NOL9: variants seen among roughly 807,000 people sequenced by gnomAD.
The protein encoded by NOL9 is polynucleotide 5'-hydroxyl-kinase NOL9.
A neutral mutation model predicts 67.9 loss-of-function variants in NOL9; 28 were observed. The ratio of observed to expected loss-of-function variants is 0.41; its 90% CI spans 0.31 to 0.57. NOL9 has a LOEUF of 0.57. Ranked by LOEUF, NOL9 falls within the 20% of genes least tolerant of loss-of-function variation. The pLI, the probability that NOL9 is intolerant of heterozygous loss-of-function variation, is 0.25. For synonymous variants in NOL9, 356 were observed against 352.2 expected, an observed-to-expected ratio of 1.01 and a Z score of -0.12; for missense variants, 777 against 897.0, an observed-to-expected ratio of 0.87 and a Z score of 1.71.
chr1:6,536,384 TAGAC>T (rs1164776493), intron 6 of NOL9, among the ~76,000 whole-genome samples: 28 of 151,780 alleles, frequency 1.8e-4, no homozygotes, highest in South Asian at 1.0e-3. Context: ...AAATAAAAGT[TAGAC>T]AGGTGTGGTG....
chr1:6,549,998 C>T (rs1190842263), intron 2 of NOL9, among the ~76,000 whole-genome samples: 2 of 152,022 alleles, frequency 1.3e-5, no homozygotes, highest in Non-Finnish European at 2.9e-5. Context: ...CCACAACGTC[C>T]TTAGCACACT....
At chr1:6,548,474 C>A in intron 3 of NOL9, 1 of 233,772 alleles carries the variant, frequency 4.3e-6, no homozygotes, top group South Asian at 6.5e-5. Context: ...AGAGATTGTC[C>A]AAAACAAAAA....
chr1:6,545,887 C>T (rs1003999399), intron 3 of NOL9, among the ~76,000 whole-genome samples: 1 of 114,588 alleles, frequency 8.7e-6, no homozygotes, highest in South Asian at 3.1e-4. Flanking sequence ...GCACTCCAAC[C>T]TGGGCGACAG....
chr1:6,537,198 A>G (rs1639174590), intron 6 of NOL9, among the ~76,000 whole-genome samples: 1 of 152,042 alleles, frequency 6.6e-6, no homozygotes, highest in Non-Finnish European at 1.5e-5. Context: ...CACGGGGAGA[A>G]GAAGGATACT....
intron 3 of NOL9, chr1:6,547,872 CTT>C (rs1272874565): frequency 6.1e-6 from 1 of 163,054 alleles, no homozygotes; most frequent in African/African-American, 2.4e-5. Context: ...TAAAAGCTCT[CTT>C]CTTGGGACGT....
rs1339478539 is a variant in NOL9 at position 6,534,591 on chromosome 1, C to A, written c.1076-1150G>T. Among the ~76,000 whole-genome samples the A allele has an allele frequency of 1.3e-5, 2 of 152,176 alleles. 1 individual carries two copies. The highest frequency in any genetic ancestry group is 2.9e-5 in the Non-Finnish European group (2 of 68,024). ...CAGTAAGGGCAGGGATGTGGGGTAG[C>A]CAGCAGCAGAGGGAGTGGCCTGTAT... On this transcript the variant is annotated intron_variant, in intron 6 of 11. Transcript: ENST00000377705.
At chr1:6,532,129 C>A in intron 8 of NOL9, 50 bp from the exon 9 acceptor site, 1 of 1,303,582 alleles carries the variant, frequency 7.7e-7, no homozygotes, top group Non-Finnish European at 1.1e-6. Context: ...CCTCAACGGC[C>A]ACCTCCCACA....
chr1:6,538,903 T>C (rs1315195720), intron 6 of NOL9, among the ~76,000 whole-genome samples: 1 of 151,836 alleles, frequency 6.6e-6, no homozygotes, highest in South Asian at 2.1e-4. Flanking sequence ...ACCCGGGAGG[T>C]GGAGGCTGTA....
At chr1:6,544,544 C>CG (rs61278197) in intron 5 of NOL9, among the ~76,000 whole-genome samples, 3 of 118,666 alleles carry the variant, frequency 2.5e-5, no homozygotes, top group Non-Finnish European at 3.2e-5. Flanking sequence ...CACACACGCA[C>CG]CCCCCCCCCG....
chr1:6,535,928 CAAAAA>C (rs35594987), intron 6 of NOL9, among the ~76,000 whole-genome samples: 6 of 137,942 alleles, frequency 4.3e-5, no homozygotes, highest in Admixed American at 1.5e-4. Flanking sequence ...AACTCCATCT[CAAAAA>C]AAAAAAAAAA....
intron 6 of NOL9, among the ~76,000 whole-genome samples, chr1:6,540,245 C>T (rs1157411308): frequency 6.6e-6 from 1 of 150,870 alleles, no homozygotes; most frequent in Non-Finnish European, 1.5e-5. Flanking sequence ...GCCTCAGCCT[C>T]CCAAGTAGCT....
At chr1:6,548,214 C>G (rs1639463085) in intron 3 of NOL9, 1 of 141,780 alleles carries the variant, frequency 7.1e-6, no homozygotes, top group Admixed American at 7.8e-5. Flanking sequence ...GTGGCGCAAT[C>G]TCAGCTCACT....
chr1:6,533,419 C>A lies in NOL9; in HGVS notation c.1098G>T (p.Arg366Ser). Residue 366 changes from arginine to serine, a missense_variant, in exon 7 of 12, where the codon AGG becomes AGT. By Grantham distance (110) the Arg-to-Ser change is moderately radical (BLOSUM62 -1). This residue lies in a region of NOL9 where 413 missense variants were observed against 552.6 expected (regional missense o/e 0.75). Coordinates refer to ENST00000377705, the MANE Select transcript of NOL9 (RefSeq NM_024654.5). ...CATAATATACCATCTTCTGTGGAGTCCTCAGGTGAGTGAAAGGTGGTCCTA... is the reference window on the plus strand; with the variant it reads ...CATAATATACCATCTTCTGTGGAGTACTCAGGTGAGTGAAAGGTGGTCCTA... The part of the protein sequence containing the change: ...PVLGPPFTHL[R>S]TPQKMVYYGK... 1 of 1,601,686 alleles carries A rather than the reference C, an allele frequency of 6.2e-7. No individual in the cohort carries two copies. The highest frequency in any genetic ancestry group is 8.5e-7 in the Non-Finnish European group (1 of 1,173,770).
intron 3 of NOL9, among the ~76,000 whole-genome samples, chr1:6,546,291 T>C (rs1300747545): frequency 3.9e-5 from 6 of 152,264 alleles, no homozygotes; most frequent in South Asian, 2.1e-4. Flanking sequence ...GGCTGCCCCA[T>C]AGCATCTGGA....
intron 10 of NOL9, among the ~76,000 whole-genome samples, chr1:6,528,756 AGAG>A (rs1360028576): frequency 6.6e-6 from 1 of 152,242 alleles, no homozygotes; most frequent in Non-Finnish European, 1.5e-5. Context: ...TCGAGCAAGA[AGAG>A]GAGGGCCAAG....
intron 5 of NOL9, among the ~76,000 whole-genome samples, chr1:6,543,711 T>C (rs1639353096): frequency 6.6e-6 from 1 of 152,134 alleles, no homozygotes; most frequent in African/African-American, 2.4e-5. Flanking sequence ...CATGGTGGCT[T>C]ATATCTGTAA....
At chr1:6,528,549 AAGG>A (rs1398175805) in intron 10 of NOL9, among the ~76,000 whole-genome samples, 1 of 152,198 alleles carries the variant, frequency 6.6e-6, no homozygotes, top group African/African-American at 2.4e-5. Flanking sequence ...AGCCTGGGGC[AAGG>A]AGGAGAGGGT....
intron 9 of NOL9, among the ~76,000 whole-genome samples, chr1:6,530,271 G>A (rs577965773): frequency 2.4e-4 from 37 of 152,128 alleles, no homozygotes; most frequent in Admixed American, 4.6e-4. Context: ...TGGCTAACAT[G>A]GTGAAACCCC....
At chr1:6,545,000 G>T (rs1010267830) in intron 4 of NOL9, 45 bp downstream of exon 4, 1 of 1,613,962 alleles carries the variant, frequency 6.2e-7, no homozygotes, top group Non-Finnish European at 8.5e-7. Context: ...TTCCTCTGGG[G>T]GTCTGGTGGA....
Sources: allele counts gnomAD v4.1 joint callset (sites outside exome capture counted in the v4.1 genomes callset), GRCh38; gene constraint gnomAD v4.1.1; regional missense constraint gnomAD v4.1.1; transcripts MANE v1.5; gene names NCBI Gene and HGNC (gene_info 2026-07-23, HGNC 2026-07-21).